Variants in XRRA1 observed in about 807,000 individuals in gnomAD.
The protein encoded by XRRA1 is X-ray radiation resistance-associated protein 1.
XRRA1 carries 69 observed loss-of-function variants against 80.2 expected under a neutral mutation model. The ratio of observed to expected loss-of-function variants is 0.86; its 90% confidence interval spans 0.71 to 1.05. The LOEUF is 1.05. Among genes scored for constraint, XRRA1 ranks in the 50% least tolerant of loss-of-function variants. XRRA1 has a pLI of 0.00. For missense variants in XRRA1, 967 were observed against 976.4 expected (o/e 0.99, Z 0.13); for synonymous variants, 348 against 389.9 (o/e 0.89, Z 1.27).
At chr11:74,896,559 G>C (rs934901831) in intron 10 of XRRA1, among the ~76,000 whole-genome samples, 4 of 152,168 alleles carry the variant, frequency 2.6e-5, no homozygotes, top group Non-Finnish European at 4.4e-5. Context: ...CTGGCTCCCA[G>C]ACAGCATCTC....
At position 74,893,326 on chromosome 11, in the gene XRRA1, T is replaced by TGTTCTCACTCATAG. The variant is rs549927295; in HGVS notation, c.1003+12899_1003+12912dup. ...CAAGGACAGAAAACCAAACACTGCA[T>TGTTCTCACTCATAG]GTTCTCACTCATAGGTGGGAATTGA... On this transcript the variant is annotated intron_variant, in intron 10 of 18. Coordinates refer to ENST00000684022, the MANE Select transcript of XRRA1 (RefSeq NM_001378157.1). Among the ~76,000 whole-genome samples, 1,350 of 151,274 alleles carry TGTTCTCACTCATAG rather than the reference T, an allele frequency of 8.9e-3. 24 individuals are homozygous for TGTTCTCACTCATAG. Among genetic ancestry groups the TGTTCTCACTCATAG allele is most frequent in the African/African-American group, 0.031 (1,273 of 41,090 alleles).
intron 8 of XRRA1, among the ~76,000 whole-genome samples, chr11:74,918,661 CTTCT>C (rs1939632398): frequency 6.6e-6 from 1 of 152,172 alleles, no homozygotes; most frequent in Admixed American, 6.5e-5. Flanking sequence ...TCACCCCTTC[CTTCT>C]GTGTTCTTCT....
At chr11:74,894,474 A>T (rs1167488694) in intron 10 of XRRA1, among the ~76,000 whole-genome samples, 1 of 152,222 alleles carries the variant, frequency 6.6e-6, no homozygotes, top group East Asian at 1.9e-4. Flanking sequence ...ATTGACTCAC[A>T]GTTCTGTATG....
rs188684472 is a variant in XRRA1 at position 74,897,986 on chromosome 11, A to T, written c.1003+8253T>A. Among the ~76,000 whole-genome samples the T allele has an allele frequency of 4.4e-3, 663 of 152,328 alleles. 3 individuals carry two copies. Among genetic ancestry groups the T allele is most frequent in the South Asian group, 0.012 (57 of 4,832 alleles). On this transcript the variant is annotated intron_variant, in intron 10 of 18. Coordinates refer to ENST00000684022, the MANE Select transcript of XRRA1 (RefSeq NM_001378157.1). ...AAAATAGCATAATTCTGTAGTGGTC[A>T]TGTGTAAACTTCTCTTGACTTAAGT...
At chr11:74,844,514 G>A (rs1209541788) in intron 16 of XRRA1, among the ~76,000 whole-genome samples, 1 of 152,202 alleles carries the variant, frequency 6.6e-6, no homozygotes, top group Non-Finnish European at 1.5e-5. Flanking sequence ...AGCACAGATT[G>A]TAATGGGTAA....
At chr11:74,856,494 A>C (rs189319548) in intron 12 of XRRA1, among the ~76,000 whole-genome samples, 10 of 152,328 alleles carry the variant, frequency 6.6e-5, no homozygotes, top group Admixed American at 6.5e-4. Flanking sequence ...AAATCTAAGG[A>C]AATACTGGCA....
chr11:74,899,315 C>T (rs2053089431), intron 10 of XRRA1, among the ~76,000 whole-genome samples: 2 of 151,778 alleles, frequency 1.3e-5, no homozygotes, highest in Admixed American at 1.3e-4. Context: ...ACTAGAAAAA[C>T]TTCAAATAAA....
Position 74,921,321 on chromosome 11 carries a change from C to G in XRRA1, c.549G>C (p.Leu183=), listed in dbSNP as rs555169194. The change falls in exon 8 of 19, where the codon CTG becomes CTC. Residue 183 remains leucine (L), a synonymous_variant. Coordinates refer to ENST00000684022, the MANE Select transcript of XRRA1 (RefSeq NM_001378157.1). ...CCAAATCACAGATGGCCTCCACAGT[C>G]AGGCTGTTGAAGGAAAGGTCCAAGA... ...LEFLDLSFNS[L]TVEAICDLGI... The G allele has an allele frequency of 6.2e-7, 1 of 1,613,960 alleles. No homozygotes were observed. Among genetic ancestry groups the G allele is most frequent in the Admixed American group, 1.7e-5 (1 of 60,026 alleles).
intron 8 of XRRA1, chr11:74,919,707 C>G (rs1940051793): frequency 2.0e-6 from 1 of 510,732 alleles, no homozygotes; most frequent in Admixed American, 2.4e-5. Flanking sequence ...CTTCAAGAAG[C>G]ATGCCCCTTG....
At chr11:74,948,427 C>A (rs1046583541) in intron 1 of XRRA1, among the ~76,000 whole-genome samples, 2 of 152,148 alleles carry the variant, frequency 1.3e-5, no homozygotes, top group East Asian at 3.8e-4. Context: ...AGAGTAGCAA[C>A]CAGGTCTATC....
chr11:74,938,837 A>C (rs1212041612), intron 3 of XRRA1, among the ~76,000 whole-genome samples: 1 of 151,928 alleles, frequency 6.6e-6, no homozygotes, highest in Non-Finnish European at 1.5e-5. Context: ...CATCCCCCAC[A>C]ATCACACAAA....
At chr11:74,890,296 T>A (rs2137229742) in intron 10 of XRRA1, among the ~76,000 whole-genome samples, 1 of 152,350 alleles carries the variant, frequency 6.6e-6, no homozygotes, top group Middle Eastern at 3.4e-3. Context: ...TGCTCCTGAA[T>A]GACTACTGGG....
intron 16 of XRRA1, among the ~76,000 whole-genome samples, chr11:74,844,808 A>G (rs2135321946): frequency 6.6e-6 from 1 of 152,376 alleles, no homozygotes; most frequent in East Asian, 1.9e-4. Context: ...TATCATCCAG[A>G]GCAGCTAGGC....
intron 10 of XRRA1, among the ~76,000 whole-genome samples, chr11:74,881,390 A>G (rs2047539708): frequency 6.6e-6 from 1 of 151,128 alleles, no homozygotes; most frequent in African/African-American, 2.5e-5. Context: ...TGAATACAGC[A>G]CACTGATGGG....
chr11:74,898,648 TAAGAAGATAATTAAAAAAACA>T (rs1179867160), intron 10 of XRRA1, among the ~76,000 whole-genome samples: 5 of 151,966 alleles, frequency 3.3e-5, no homozygotes, highest in East Asian at 1.9e-4. Flanking sequence ...ACAAAAACTT[TAAGAAGATAATTAAAAAAACA>T]AAGAAGATAA....
At chr11:74,911,734 A>G (rs367795516) in intron 8 of XRRA1, among the ~76,000 whole-genome samples, 6 of 152,256 alleles carry the variant, frequency 3.9e-5, no homozygotes, top group African/African-American at 1.4e-4. Context: ...TTTAATATGT[A>G]TAAGAGATGT....
intron 6 of XRRA1, among the ~76,000 whole-genome samples, chr11:74,928,694 T>C (rs527498852): frequency 6.6e-6 from 1 of 152,214 alleles, no homozygotes; most frequent in Non-Finnish European, 1.5e-5. Flanking sequence ...TAAGTCAGAA[T>C]GTTCAGTAGA....
chr11:74,944,774 A>G (rs1330716011), intron 2 of XRRA1, among the ~76,000 whole-genome samples: 1 of 152,238 alleles, frequency 6.6e-6, no homozygotes, highest in African/African-American at 2.4e-5. Flanking sequence ...AGATTAATGG[A>G]TAGATGGATG....
chr11:74,928,362 C>T (rs1463064673), intron 6 of XRRA1, among the ~76,000 whole-genome samples: 2 of 152,178 alleles, frequency 1.3e-5, no homozygotes, highest in African/African-American at 4.8e-5. Flanking sequence ...TTTTGGGCTT[C>T]CCTGTGTGTA....
Sources: gnomAD v4.1 joint callset for allele counts (sites outside exome capture counted in the v4.1 genomes callset) on GRCh38, gnomAD v4.1.1 for gene constraint, MANE v1.5 for transcripts, NCBI Gene and HGNC (gene_info 2026-07-23, HGNC 2026-07-21) for gene names.